The following LRRTM4 variants were observed in gnomAD, a reference collection of about 807,000 sequenced individuals.
LRRTM4 encodes leucine-rich repeat transmembrane neuronal protein 4.
Under a neutral mutation model 47.6 loss-of-function variants are expected in LRRTM4, and 25 were observed. That is an observed-to-expected ratio of 0.53 (90% CI 0.38 to 0.73). LRRTM4 has a LOEUF of 0.73. Among genes scored for constraint, LRRTM4 ranks in the 30% least tolerant of loss-of-function variants. LRRTM4 has a pLI of 0.00. For synonymous variants in LRRTM4, 311 were observed against 269.5 expected (o/e 1.15, Z -1.51); for missense variants, 638 against 713.4 (o/e 0.89, Z 1.20).
intron 3 of LRRTM4, among the ~76,000 whole-genome samples, chr2:77,437,887 G>T (rs1422298042): frequency 6.6e-6 from 1 of 152,026 alleles, no homozygotes; most frequent in Non-Finnish European, 1.5e-5. Flanking sequence ...GAATGAGTAG[G>T]GATGATTATC....
chr2:77,191,935 A>C (rs7587908), intron 3 of LRRTM4, among the ~76,000 whole-genome samples: 19,851 of 152,050 alleles, frequency 0.13, 3,612 homozygotes, highest in African/African-American at 0.41. Context: ...TAATACAAAT[A>C]AAGGTCTGCA....
chr2:76,902,229 G>A (rs1403744861), intron 3 of LRRTM4, among the ~76,000 whole-genome samples: 1 of 152,004 alleles, frequency 6.6e-6, no homozygotes, highest in Non-Finnish European at 1.5e-5. Flanking sequence ...ACAGCACTCT[G>A]GCCCTCTGGC....
intron 3 of LRRTM4, among the ~76,000 whole-genome samples, chr2:76,857,127 C>A (rs1345962649): frequency 1.3e-5 from 2 of 151,592 alleles, no homozygotes; most frequent in African/African-American, 2.4e-5. Flanking sequence ...GACAGCAATA[C>A]CAACCCCTCC....
chr2:76,919,398 T>C (rs145945516), intron 3 of LRRTM4, among the ~76,000 whole-genome samples: 1 of 152,106 alleles, frequency 6.6e-6, no homozygotes, highest in Admixed American at 6.5e-5. Flanking sequence ...GGCAGAATAT[T>C]CCAAGAGCTC....
At chr2:77,419,477 A>G (rs1372689988) in intron 3 of LRRTM4, among the ~76,000 whole-genome samples, 1 of 152,210 alleles carries the variant, frequency 6.6e-6, no homozygotes, top group Non-Finnish European at 1.5e-5. Flanking sequence ...TCTCTAGATT[A>G]CTTATAATAC....
intron 3 of LRRTM4, among the ~76,000 whole-genome samples, chr2:76,925,580 A>G (rs72821293): frequency 0.014 from 2,147 of 152,280 alleles, 16 homozygotes; most frequent in Middle Eastern, 0.037. Flanking sequence ...TCCACAAACA[A>G]GCTTCAGGCC....
chr2:77,425,954 TAA>T (rs566352644), intron 3 of LRRTM4, among the ~76,000 whole-genome samples: 1 of 144,104 alleles, frequency 6.9e-6, no homozygotes, highest in Non-Finnish European at 1.5e-5. Flanking sequence ...CTGTCTCTAT[TAA>T]AAAAAAAAAA....
intron 3 of LRRTM4, among the ~76,000 whole-genome samples, chr2:77,502,950 C>A (rs1319115346): frequency 2.7e-5 from 4 of 149,804 alleles, no homozygotes; most frequent in Non-Finnish European, 5.9e-5. Flanking sequence ...CAAAATAAAG[C>A]CAGTGCCGAG....
At chr2:76,941,345 G>A (rs997757048) in intron 3 of LRRTM4, among the ~76,000 whole-genome samples, 2 of 151,960 alleles carry the variant, frequency 1.3e-5, no homozygotes, top group Non-Finnish European at 2.9e-5. Flanking sequence ...TTTAAGTTCT[G>A]GGATACATGT....
chr2:77,122,617 TA>T (rs1671549741), intron 3 of LRRTM4, among the ~76,000 whole-genome samples: 1 of 151,628 alleles, frequency 6.6e-6, no homozygotes, highest in African/African-American at 2.4e-5. Flanking sequence ...GCAATCTGCA[TA>T]TGTGTGGCTC....
intron 3 of LRRTM4, among the ~76,000 whole-genome samples, chr2:77,063,028 C>G (rs1239232417): frequency 6.7e-6 from 1 of 149,538 alleles, no homozygotes; most frequent in Non-Finnish European, 1.5e-5. Context: ...GATCTCGGCT[C>G]ACTGCAACCT....
intron 3 of LRRTM4, among the ~76,000 whole-genome samples, chr2:77,483,485 T>A (rs1449717030): frequency 6.6e-6 from 1 of 152,044 alleles, no homozygotes; most frequent in Non-Finnish European, 1.5e-5. Flanking sequence ...GGATTACAGA[T>A]GTGCATCACC....
chr2:77,258,542 T>C (rs1007234920), intron 3 of LRRTM4, among the ~76,000 whole-genome samples: 1 of 152,048 alleles, frequency 6.6e-6, no homozygotes, highest in Non-Finnish European at 1.5e-5. Context: ...GAACTCCCTG[T>C]ACTATCTTTA....
intron 3 of LRRTM4, among the ~76,000 whole-genome samples, chr2:76,866,498 T>A (rs1672473188): frequency 6.7e-6 from 1 of 148,530 alleles, no homozygotes; most frequent in Admixed American, 6.7e-5. Flanking sequence ...TGGCTCTTCA[T>A]TTTTTTTTTC....
At chr2:77,020,845 A>G (rs1678241377) in intron 3 of LRRTM4, among the ~76,000 whole-genome samples, 1 of 152,184 alleles carries the variant, frequency 6.6e-6, no homozygotes, top group African/African-American at 2.4e-5. Context: ...CAGACTAACC[A>G]AGGATCATTT....
intron 3 of LRRTM4, among the ~76,000 whole-genome samples, chr2:76,905,332 C>T (rs1040208875): frequency 2.6e-5 from 4 of 152,114 alleles, no homozygotes; most frequent in Admixed American, 6.5e-5. Context: ...AGGACATCCA[C>T]ACCAAAATCC....
At chr2:76,825,766 G>A (rs1414411195) in intron 3 of LRRTM4, among the ~76,000 whole-genome samples, 6 of 151,502 alleles carry the variant, frequency 4.0e-5, no homozygotes, top group African/African-American at 1.2e-4. Flanking sequence ...AGGTCGAGCT[G>A]CAGAAGGTTT....
chr2:76,767,168 G>A (rs960354055), intron 3 of LRRTM4, among the ~76,000 whole-genome samples: 1 of 152,104 alleles, frequency 6.6e-6, no homozygotes, highest in Admixed American at 6.6e-5. Context: ...TCAAAGTTTT[G>A]AGTGTGCAGT....
chr2:76,791,550 A>G (rs1315412481), intron 3 of LRRTM4, among the ~76,000 whole-genome samples: 1 of 152,206 alleles, frequency 6.6e-6, no homozygotes, highest in Non-Finnish European at 1.5e-5. Context: ...TTGAGCATAA[A>G]TATTCGGAGA....
Sources: gnomAD v4.1 joint callset for allele counts (sites outside exome capture counted in the v4.1 genomes callset) on GRCh38, gnomAD v4.1.1 for gene constraint, MANE v1.5 for transcripts, NCBI Gene and HGNC (gene_info 2026-07-23, HGNC 2026-07-21) for gene names.